STK39: variants seen among roughly 807,000 people sequenced by gnomAD.
STK39 encodes serine/threonine kinase 39.
In STK39, 20 loss-of-function variants were observed where a neutral mutation model predicts 77.8. The ratio of observed to expected loss-of-function variants is 0.26; its 90% CI spans 0.18 to 0.37. The LOEUF (loss-of-function observed/expected upper bound fraction) is 0.37, where lower values mean the gene tolerates loss of function less well. Among genes scored for constraint, STK39 ranks in the 10% least tolerant of loss-of-function variants. The pLI is 1.00. For missense variants in STK39, 479 were observed against 656.5 expected (o/e 0.73, Z 2.95); for synonymous variants, 246 against 234.1 (o/e 1.05, Z -0.47).
intron 10 of STK39, among the ~76,000 whole-genome samples, chr2:168,096,086 T>C (rs1686659307): frequency 6.6e-6 from 1 of 152,224 alleles, no homozygotes; most frequent in Admixed American, 6.5e-5. Context: ...CAGGTTCATG[T>C]AGTTTTATAT....
intron 1 of STK39, among the ~76,000 whole-genome samples, chr2:168,240,064 G>A (rs57586578): frequency 0.012 from 1,889 of 152,320 alleles, 40 homozygotes; most frequent in African/African-American, 0.043. Flanking sequence ...AGAAAAGACA[G>A]AGCTCTTTGC....
chr2:167,954,943 T>C lies in STK39; in HGVS notation c.*553A>G, dbSNP rs1475723063. ...CTAAGGTGTGTAATGCATAAATATA[T>C]GAAAAATAAAATTCACAGTCAGTTT... On this transcript the variant is annotated 3_prime_UTR_variant, in exon 18 of 18. Coordinates refer to ENST00000355999, the MANE Select transcript of STK39 (RefSeq NM_013233.3). 2.6e-5 allele frequency: 4 copies of C among 152,680 alleles called. No homozygotes were observed. The highest frequency in any genetic ancestry group is 5.9e-5 in the Non-Finnish European group (4 of 68,080). The allele number at this position is 152,680 out of a possible 1,614,324, so 9.5% of individuals were successfully genotyped here. A position where few individuals can be genotyped will look rare whatever the true frequency, so the allele number is the denominator to read the frequency against.
At chr2:168,216,678 CGTT>C (rs1188835286) in intron 1 of STK39, among the ~76,000 whole-genome samples, 1 of 152,182 alleles carries the variant, frequency 6.6e-6, no homozygotes, top group African/African-American at 2.4e-5. Context: ...GGCAAAGAAA[CGTT>C]GTTATAAGCC....
At chr2:168,160,315 T>C (rs962607374) in intron 5 of STK39, among the ~76,000 whole-genome samples, 2 of 152,234 alleles carry the variant, frequency 1.3e-5, no homozygotes, top group Non-Finnish European at 2.9e-5. Flanking sequence ...CCAAATTCCA[T>C]AATTAATAAG....
intron 16 of STK39, among the ~76,000 whole-genome samples, chr2:167,998,396 C>T (rs6433021): frequency 0.21 from 32,337 of 152,074 alleles, 4,151 homozygotes; most frequent in East Asian, 0.64. Flanking sequence ...TTGCTTTAGC[C>T]CAATGAACAT....
Position 168,231,649 on chromosome 2 carries a change from A to G in STK39, c.208+15579T>C, listed in dbSNP as rs182456987. Among the ~76,000 whole-genome samples, 251 of 152,090 alleles carry G rather than the reference A, an allele frequency of 1.7e-3. 2 individuals are homozygous for G. Among genetic ancestry groups the G allele is most frequent in the African/African-American group, 5.5e-3 (227 of 41,514 alleles). ...TGAGGGAGAACATATCAATATGGAG[A>G]ACAGATCTTTGCTTCTCGAATTCAA... On this transcript the variant is annotated intron_variant, in intron 1 of 17. Coordinates refer to ENST00000355999, the MANE Select transcript of STK39 (RefSeq NM_013233.3).
intron 16 of STK39, among the ~76,000 whole-genome samples, chr2:167,976,209 A>T (rs2390624): frequency 0.59 from 89,365 of 152,068 alleles, 27,003 homozygotes; most frequent in African/African-American, 0.68. Context: ...GTATACTACA[A>T]GCAGTTTTCC....
At chr2:168,107,211 A>T (rs1181376053) in intron 10 of STK39, among the ~76,000 whole-genome samples, 4 of 152,206 alleles carry the variant, frequency 2.6e-5, no homozygotes, top group Non-Finnish European at 5.9e-5. Flanking sequence ...GTTATTCTCA[A>T]ATATTCTCAA....
At chr2:168,222,917 T>A (rs1405375318) in intron 1 of STK39, among the ~76,000 whole-genome samples, 1 of 152,228 alleles carries the variant, frequency 6.6e-6, no homozygotes, top group Non-Finnish European at 1.5e-5. Flanking sequence ...GAAATGCATT[T>A]AGCCCAGGAG....
At chr2:167,979,181 G>A (rs963551519) in intron 16 of STK39, among the ~76,000 whole-genome samples, 1 of 152,018 alleles carries the variant, frequency 6.6e-6, no homozygotes, top group African/African-American at 2.4e-5. Flanking sequence ...CTTTTTGCTT[G>A]GGTAGATACC....
intron 10 of STK39, among the ~76,000 whole-genome samples, chr2:168,124,278 AT>A (rs1225051491): frequency 5.3e-5 from 8 of 152,154 alleles, no homozygotes; most frequent in Non-Finnish European, 5.9e-5. Context: ...AGAACTGCCT[AT>A]TACATGTTTC....
chr2:168,117,688 C>G (rs545449271), intron 10 of STK39, among the ~76,000 whole-genome samples: 3 of 151,724 alleles, frequency 2.0e-5, no homozygotes, highest in Non-Finnish European at 4.4e-5. Flanking sequence ...GTGGGGATTT[C>G]AGGAGTGTAC....
intron 10 of STK39, among the ~76,000 whole-genome samples, chr2:168,110,176 T>C (rs1210226182): frequency 2.0e-5 from 3 of 152,216 alleles, no homozygotes; most frequent in Non-Finnish European, 4.4e-5. Flanking sequence ...AAGTGTCTAA[T>C]CTGTTAGGAA....
At chr2:168,186,775 T>C (rs72876934) in intron 1 of STK39, among the ~76,000 whole-genome samples, 1 of 152,196 alleles carries the variant, frequency 6.6e-6, no homozygotes, top group Non-Finnish European at 1.5e-5. Flanking sequence ...AGGTAAACTA[T>C]ATCTACTGTT....
intron 10 of STK39, among the ~76,000 whole-genome samples, chr2:168,128,359 C>G (rs1196580742): frequency 6.6e-6 from 1 of 152,148 alleles, no homozygotes; most frequent in Non-Finnish European, 1.5e-5. Flanking sequence ...TGATAGGAGT[C>G]CTCAAACTCT....
intron 17 of STK39, 43 bp from the exon 18 acceptor site, chr2:167,955,613 C>T: frequency 1.3e-6 from 2 of 1,589,118 alleles, no homozygotes; most frequent in South Asian, 1.1e-5. Context: ...TTTGCTGCTG[C>T]TGCTGGTTGT....
At chr2:168,035,771 G>C (rs1412214796) in intron 14 of STK39, among the ~76,000 whole-genome samples, 1 of 152,140 alleles carries the variant, frequency 6.6e-6, no homozygotes, top group Non-Finnish European at 1.5e-5. Flanking sequence ...TGAGCAAAAA[G>C]GTGTCTAATG....
chr2:168,206,490 C>T lies in STK39; in HGVS notation c.209-24400G>A, dbSNP rs144468685. On this transcript the variant is annotated intron_variant, in intron 1 of 17. Coordinates refer to ENST00000355999, the MANE Select transcript of STK39 (RefSeq NM_013233.3). ...TAATTTTCGTTATTTTTATTAGAGA[C>T]GGGGTTTTGCCATGTTGGCCAGGCT... is the stretch of plus-strand genomic sequence containing the variant. 4.6e-3 allele frequency among the ~76,000 whole-genome samples: 695 copies of T among 152,116 alleles called. 1 individual carries two copies. Among genetic ancestry groups the T allele is most frequent in the Non-Finnish European group, 6.5e-3 (443 of 67,990 alleles).
intron 16 of STK39, among the ~76,000 whole-genome samples, chr2:167,965,685 G>A (rs1348893150): frequency 3.3e-5 from 5 of 152,138 alleles, no homozygotes; most frequent in Non-Finnish European, 5.9e-5. Flanking sequence ...TGTCGTGTTT[G>A]TCATTTTTAT....
Sources: allele counts gnomAD v4.1 joint callset (sites outside exome capture counted in the v4.1 genomes callset), GRCh38; gene constraint gnomAD v4.1.1; transcripts MANE v1.5; gene names NCBI Gene and HGNC (gene_info 2026-07-23, HGNC 2026-07-21).